The following THTPA variants were observed in gnomAD, a reference collection of about 807,000 sequenced individuals.
THTPA encodes thiamine-triphosphatase.
Under a neutral mutation model 16.5 loss-of-function variants are expected in THTPA, and 16 were observed. The observed-to-expected ratio is 0.97, with a 90% CI of 0.66 to 1.47. THTPA has a LOEUF of 1.47. THTPA is among the 40% of genes most tolerant of loss of function. The probability of loss-of-function intolerance (pLI) is 0.00; values close to 1 mark genes in which losing one functional copy is unlikely to be tolerated. For synonymous variants in THTPA, 110 were observed against 115.5 expected, an observed-to-expected ratio of 0.95 and a Z score of 0.30; for missense variants, 281 against 280.9, an observed-to-expected ratio of 1.00 and a Z score of 0.00.
chr14:23,513,200 T>C, the THTPA span: 6 of 152,048 alleles, frequency 3.9e-5, no homozygotes, highest in African/African-American at 1.5e-4. Context: ...GAGCATCTGT[T>C]CCCTCCATTC....
the THTPA span, chr14:23,531,563 T>G: frequency 6.6e-7 from 1 of 1,524,516 alleles, no homozygotes; most frequent in South Asian, 1.2e-5. Context: ...GGCCATTCTG[T>G]AGCAGCTGCA....
chr14:23,533,287 G>C, the THTPA span: 6 of 1,436,746 alleles, frequency 4.2e-6, no homozygotes, highest in Non-Finnish European at 5.5e-6. The surrounding 1 kb of genome is among the most constrained non-coding windows in gnomAD (Gnocchi z 4.8). Context: ...AAGCTTACCG[G>C]ATGTGGGGAA....
chr14:23,560,201 T>C lies in THTPA; in HGVS notation c.*1361T>C. 1.9e-6 allele frequency: 3 copies of C among 1,593,836 alleles called. No homozygotes were observed. Among genetic ancestry groups the C allele is most frequent in the Non-Finnish European group, 2.6e-6 (3 of 1,166,094 alleles). On this transcript the variant is annotated 3_prime_UTR_variant, in exon 2 of 2. Transcript: ENST00000288014. Reference sequence around the variant, plus strand: ...TCTCCCACCCACCTCCTCCACTTAGTGGCCTTTTCTCCTGGAGTCCCCAGG... The same window carrying C: ...TCTCCCACCCACCTCCTCCACTTAGCGGCCTTTTCTCCTGGAGTCCCCAGG...
the THTPA span, among the ~76,000 whole-genome samples, chr14:23,515,283 T>C: frequency 2.0e-5 from 3 of 152,194 alleles, no homozygotes; most frequent in Admixed American, 2.0e-4. Context: ...TGCTGAGCTG[T>C]GGTTGAGATG....
chr14:23,560,069 G>A lies in THTPA; in HGVS notation c.*1229G>A, dbSNP rs1206250588. On this transcript the variant is annotated 3_prime_UTR_variant, in exon 2 of 2. Coordinates refer to ENST00000288014, the MANE Select transcript of THTPA (RefSeq NM_024328.6). ...CAGGAGTTTAACAGAGCACAGTATG[G>A]CAGTAGGTAGGGCTCAGGCAGCCCC... 2.0e-6 allele frequency: 3 copies of A among 1,490,270 alleles called. No homozygotes were observed. The highest frequency in any genetic ancestry group is 2.8e-6 in the Non-Finnish European group (3 of 1,077,412). The allele number at this position is 1,490,270 out of a possible 1,614,324, so 92.3% of individuals were successfully genotyped here.
chr14:23,534,858 G>C, the THTPA span: 1 of 1,536,144 alleles, frequency 6.5e-7, no homozygotes, highest in Non-Finnish European at 8.7e-7. This position sits in a 1 kb window ranked among gnomAD's most constrained non-coding sequence, Gnocchi z 4.5. Flanking sequence ...AGGCAAGGAA[G>C]GGCAGACTGG....
At chr14:23,524,521 C>A in the THTPA span, 2 of 1,525,986 alleles carry the variant, frequency 1.3e-6, no homozygotes, top group South Asian at 2.4e-5. This position sits in a 1 kb window ranked among gnomAD's most constrained non-coding sequence, Gnocchi z 5.6. Context: ...CCAGCAAGGG[C>A]AGATCTAGGA....
At chr14:23,526,766 GC>G in the THTPA span, 8 of 1,529,968 alleles carry the variant, frequency 5.2e-6, no homozygotes, top group African/African-American at 8.2e-5. Context: ...GTTGACCTTG[GC>G]CTCAGTCATC....
the THTPA span, among the ~76,000 whole-genome samples, chr14:23,547,098 T>C: frequency 6.6e-6 from 1 of 152,220 alleles, no homozygotes; most frequent in Non-Finnish European, 1.5e-5. Context: ...CTGAGAGTTG[T>C]GGTGAGTTTT....
chr14:23,538,821 G>A, the THTPA span, among the ~76,000 whole-genome samples: 3 of 152,178 alleles, frequency 2.0e-5, no homozygotes, highest in Non-Finnish European at 4.4e-5. Flanking sequence ...CCTCTGTGAA[G>A]GAGAGGGGTT....
At chr14:23,532,446 A>C in the THTPA span, 3 of 1,228,798 alleles carry the variant, frequency 2.4e-6, no homozygotes, top group Non-Finnish European at 2.1e-6. Context: ...TACCTGGTGC[A>C]TACTTTCCTT....
At chr14:23,557,760 T>TTTC (rs60038184) in intron 1 of THTPA, among the ~76,000 whole-genome samples, 6,613 of 152,042 alleles carry the variant, frequency 0.043, 463 homozygotes, top group African/African-American at 0.15. Context: ...ATCTCTTTTT[T>TTTC]TTCTTCTTCT....
chr14:23,536,285 A>C, the THTPA span, among the ~76,000 whole-genome samples: 1 of 152,230 alleles, frequency 6.6e-6, no homozygotes, highest in Admixed American at 6.5e-5. Context: ...TGCCACAGTC[A>C]GTGTCTTTTG....
At chr14:23,532,753 G>A in the THTPA span, 10 of 1,536,240 alleles carry the variant, frequency 6.5e-6, no homozygotes, top group African/African-American at 6.8e-5. Flanking sequence ...CCTCCCGCAG[G>A]TGGGCTGCCA....
chr14:23,556,878 G>GAC lies in THTPA; in HGVS notation c.124_125dup (p.Glu44LeufsTer3). The GAC allele has an allele frequency of 6.2e-7, 1 of 1,613,564 alleles. No individual in the cohort carries two copies. Among genetic ancestry groups the GAC allele is most frequent in the Non-Finnish European group, 8.5e-7 (1 of 1,179,738 alleles). On this transcript the variant is annotated frameshift_variant, in exon 1 of 2. Coordinates refer to ENST00000288014, the MANE Select transcript of THTPA (RefSeq NM_024328.6). LOFTEE classifies it high-confidence loss of function. ...GGTCACCTTCCGAGACACCTACTATGACACCCCTGAGCTGAGCCTCATGCA... is the reference window on the plus strand; with the variant it reads ...GGTCACCTTCCGAGACACCTACTATGACACACCCCTGAGCTGAGCCTCATGCA...
chr14:23,559,467 A>C lies in THTPA; in HGVS notation c.*627A>C. 2.5e-6 allele frequency: 1 copy of C among 400,888 alleles called. No individual in the cohort carries two copies. Among genetic ancestry groups the C allele is most frequent in the African/African-American group, 2.0e-5 (1 of 49,038 alleles). 24.8% of individuals were successfully genotyped at this position (400,888 alleles called of 1,614,324 possible). A position where few individuals can be genotyped will look rare whatever the true frequency, so the allele number is the denominator to read the frequency against. Reference sequence around the variant, plus strand: ...CCCCTCCCCGCCCCCGTGTTGAGACAGGTTCTCAAGGCTCAGGGGAAGATG... The same window carrying C: ...CCCCTCCCCGCCCCCGTGTTGAGACCGGTTCTCAAGGCTCAGGGGAAGATG... On this transcript the variant is annotated 3_prime_UTR_variant, in exon 2 of 2. Transcript: ENST00000288014.
chr14:23,515,154 A>T, the THTPA span, among the ~76,000 whole-genome samples: 1 of 152,204 alleles, frequency 6.6e-6, no homozygotes, highest in Non-Finnish European at 1.5e-5. Context: ...TGTTGTTACC[A>T]GGATGGCACA....
the THTPA span, among the ~76,000 whole-genome samples, chr14:23,536,491 A>G: frequency 6.6e-6 from 1 of 152,214 alleles, no homozygotes; most frequent in African/African-American, 2.4e-5. Flanking sequence ...TTGAAAGATA[A>G]CAGCTAGTCG....
chr14:23,552,421 T>G (rs149004202), upstream of THTPA, among the ~76,000 whole-genome samples: 6 of 151,686 alleles, frequency 4.0e-5, no homozygotes, highest in Non-Finnish European at 8.8e-5. Context: ...GCCTCCTAAG[T>G]AGCTGGGATT....
Sources: gnomAD v4.1 joint callset for allele counts (sites outside exome capture counted in the v4.1 genomes callset) on GRCh38, gnomAD v4.1.1 for gene constraint, Gnocchi (gnomAD v3.1) non-coding constraint, MANE v1.5 for transcripts, NCBI Gene and HGNC (gene_info 2026-07-23, HGNC 2026-07-21) for gene names.